Variants in CALY observed in about 807,000 individuals in gnomAD.
CALY encodes neuron-specific vesicular protein calcyon.
Under a neutral mutation model 20.2 loss-of-function variants are expected in CALY, and 15 were observed. The observed-to-expected ratio is 0.74, with a 90% CI of 0.50 to 1.14. The LOEUF (loss-of-function observed/expected upper bound fraction) is 1.14. Among genes scored for constraint, CALY ranks in the 50% most tolerant of loss-of-function variants. CALY has a pLI of 0.00. For missense variants in CALY, 270 were observed against 304.4 expected (o/e 0.89, Z 0.84); for synonymous variants, 129 against 131.8 (o/e 0.98, Z 0.15).
intron 2 of CALY, 23 bp downstream of exon 2, chr10:133,328,832 C>A (rs201476239): frequency 6.5e-7 from 1 of 1,535,618 alleles, no homozygotes; most frequent in South Asian, 1.2e-5. Context: ...GAGAAGGGCC[C>A]CCACGCTGGC....
chr10:133,326,040 G>T lies in CALY; in HGVS notation c.441C>A (p.Ala147=). The T allele has an allele frequency of 1.3e-6, 2 of 1,593,720 alleles. No individual in the cohort carries two copies. Among genetic ancestry groups the T allele is most frequent in the East Asian group, 2.3e-5 (1 of 43,644 alleles). Residue 147 remains alanine (A), a synonymous_variant, in exon 5 of 6, where the codon GCC becomes GCA. Coordinates refer to ENST00000252939, the MANE Select transcript of CALY (RefSeq NM_015722.4). ...DPERHRSILA[A]IGAYPLSRKH... ...TGCGGCTCAGCGGGTAGGCCCCGATGGCCGCCAGGATGCTGCGGTGGCGCT... is the reference window on the plus strand; with the variant it reads ...TGCGGCTCAGCGGGTAGGCCCCGATTGCCGCCAGGATGCTGCGGTGGCGCT...
chr10:133,327,076 G>A, intron 3 of CALY, 85 bp from the exon 4 acceptor site: 1 of 903,312 alleles, frequency 1.1e-6, no homozygotes, highest in African/African-American at 1.6e-5. Context: ...GCTGGCACAG[G>A]ACCATCCCCG....
At chr10:133,329,524 C>G (rs1457461983) in intron 1 of CALY, among the ~76,000 whole-genome samples, 1 of 151,868 alleles carries the variant, frequency 6.6e-6, no homozygotes. Flanking sequence ...GTACCTGGGA[C>G]CACAGTGCGC....
chr10:133,326,841 G>A (rs777852732), intron 4 of CALY, 37 bp downstream of exon 4: 21 of 1,422,594 alleles, frequency 1.5e-5, no homozygotes, highest in African/African-American at 4.2e-5. Context: ...GAGGAGGGGC[G>A]GCTCTACACC....
At chr10:133,327,366 T>C in intron 3 of CALY, 5 of 495,908 alleles carry the variant, frequency 1.0e-5, no homozygotes, top group Non-Finnish European at 1.8e-5. Flanking sequence ...CCCAGGTGAC[T>C]GCCCACAGTG....
At chr10:133,327,187 T>A (rs1485701263) in intron 3 of CALY, among the ~76,000 whole-genome samples, 196 bp from the exon 4 acceptor site, 6 of 152,190 alleles carry the variant, frequency 3.9e-5, no homozygotes, top group Non-Finnish European at 8.8e-5. Context: ...GGGCCAGGCC[T>A]TGCTGGTGGC....
At chr10:133,332,935 C>G (rs150929389) in intron 1 of CALY, among the ~76,000 whole-genome samples, 30 of 152,150 alleles carry the variant, frequency 2.0e-4, no homozygotes, top group African/African-American at 6.7e-4. Context: ...AGCATGGCCC[C>G]GTGAACACCT....
At chr10:133,326,238 T>G in intron 4 of CALY, 118 bp from the exon 5 acceptor site, 2 of 1,550,750 alleles carry the variant, frequency 1.3e-6, no homozygotes, top group Non-Finnish European at 1.7e-6. Context: ...GAGCCATGGC[T>G]TCAGGACACC....
intron 2 of CALY, 31 bp downstream of exon 2, chr10:133,328,823 AG>A (rs1418525963): frequency 6.5e-7 from 1 of 1,527,698 alleles, no homozygotes; most frequent in Admixed American, 2.0e-5. Flanking sequence ...GGGGAGCCTG[AG>A]AAGGGCCCCC....
At chr10:133,326,331 C>T (rs563488541) in intron 4 of CALY, 238 of 1,471,996 alleles carry the variant, frequency 1.6e-4, no homozygotes, top group Non-Finnish European at 2.2e-4. Flanking sequence ...AGGGGCCACC[C>T]AGGGAGAGGG....
intron 1 of CALY, 93 bp from the exon 2 acceptor site, chr10:133,329,102 T>C: frequency 9.0e-7 from 1 of 1,105,878 alleles, no homozygotes; most frequent in Non-Finnish European, 1.3e-6. Context: ...GAGCTGGGCC[T>C]AATGCTCCTC....
intron 1 of CALY, among the ~76,000 whole-genome samples, chr10:133,332,168 C>T (rs996639412): frequency 6.6e-6 from 1 of 151,510 alleles, no homozygotes. Flanking sequence ...TCTCATCTGC[C>T]AGGGTCTAGC....
At chr10:133,327,782 C>T (rs764031410) in intron 3 of CALY, 123 bp downstream of exon 3, 2 of 739,250 alleles carry the variant, frequency 2.7e-6, no homozygotes, top group South Asian at 2.9e-5. Flanking sequence ...TCACTGCCAC[C>T]CTCTCCTCCC....
intron 1 of CALY, among the ~76,000 whole-genome samples, chr10:133,330,427 G>A (rs1848284475): frequency 6.6e-6 from 1 of 151,212 alleles, no homozygotes; most frequent in Non-Finnish European, 1.5e-5. Context: ...GGAGGCCGAG[G>A]CGGGCGGGTC....
At position 133,328,162 on chromosome 10, in the gene CALY, G is replaced by A; in HGVS notation, c.136-147C>T. On this transcript the variant is annotated intron_variant, in intron 2 of 5. Coordinates refer to ENST00000252939, the MANE Select transcript of CALY (RefSeq NM_015722.4). ...CCCAGGACTGTCTGGTGGATGGCAG[G>A]GCTCCAGCAGCCACAAAGTGAGGCC... 10 of 630,802 alleles carry A rather than the reference G, an allele frequency of 1.6e-5. No individual in the cohort carries two copies. In the South Asian group the frequency reaches 1.7e-4, roughly 11 times the overall value. 39.1% of individuals were successfully genotyped at this position (630,802 alleles called of 1,614,324 possible). A position where few individuals can be genotyped will look rare whatever the true frequency, so the allele number is the denominator to read the frequency against.
At chr10:133,336,086 G>A (rs1006907151) in intron 1 of CALY, among the ~76,000 whole-genome samples, 2 of 152,124 alleles carry the variant, frequency 1.3e-5, no homozygotes, top group Admixed American at 6.5e-5. Flanking sequence ...GCGTGTGACT[G>A]CGGATCTGAG....
At chr10:133,331,800 G>A (rs1280926206) in intron 1 of CALY, among the ~76,000 whole-genome samples, 3 of 152,142 alleles carry the variant, frequency 2.0e-5, no homozygotes, top group Non-Finnish European at 4.4e-5. Flanking sequence ...TTATATGGAA[G>A]GCAGAGGGGC....
At chr10:133,335,295 C>G (rs891430686) in intron 1 of CALY, among the ~76,000 whole-genome samples, 4 of 152,140 alleles carry the variant, frequency 2.6e-5, no homozygotes, top group African/African-American at 9.7e-5. Flanking sequence ...GGCGCAGTCC[C>G]GCACCAGGGC....
rs773082827 is a variant in CALY at position 133,324,235 on chromosome 10, G to A, written c.*1360C>T. The stretch of plus-strand genomic sequence containing the variant: ...GTTCATCTGGCCAATGCCCTTAGAA[G>A]CCCAGCAGTGAAGGGTGTGGTGTGC... On this transcript the variant is annotated 3_prime_UTR_variant, in exon 6 of 6. Coordinates refer to ENST00000252939, the MANE Select transcript of CALY (RefSeq NM_015722.4). 58 of 406,580 alleles carry A rather than the reference G, an allele frequency of 1.4e-4. No homozygotes were observed. The highest frequency in any genetic ancestry group is 9.6e-4 in the South Asian group (57 of 59,424). The allele number at this position is 406,580 out of a possible 1,614,324, so 25.2% of individuals were successfully genotyped here. A position where few individuals can be genotyped will look rare whatever the true frequency, so the allele number is the denominator to read the frequency against.
Sources: allele counts gnomAD v4.1 joint callset (sites outside exome capture counted in the v4.1 genomes callset), GRCh38; gene constraint gnomAD v4.1.1; transcripts MANE v1.5; gene names NCBI Gene and HGNC (gene_info 2026-07-23, HGNC 2026-07-21).